Variants in RORA observed in about 807,000 individuals in gnomAD.
RORA encodes RAR related orphan receptor A, also known as nuclear receptor ROR-alpha.
In RORA, 7 loss-of-function variants were observed where a neutral mutation model predicts 69.5. The observed-to-expected ratio is 0.10, with a 90% CI of 0.06 to 0.19. The LOEUF is 0.19. RORA is among the 10% of genes least tolerant of loss of function. The pLI is 1.00. For missense variants in RORA, 457 were observed against 663.0 expected (o/e 0.69, Z 3.41); for synonymous variants, 261 against 240.8 (o/e 1.08, Z -0.78).
At position 61,099,870 on chromosome 15, in the gene RORA, A is replaced by G. The variant is rs138348455; in HGVS notation, c.166+129183T>C. Among the ~76,000 whole-genome samples the G allele has an allele frequency of 4.0e-3, 604 of 152,322 alleles. 4 individuals are homozygous for G. The highest frequency in any genetic ancestry group is 0.014 in the African/African-American group (565 of 41,558). On this transcript the variant is annotated intron_variant, in intron 1 of 10. Coordinates refer to ENST00000335670, the MANE Select transcript of RORA (RefSeq NM_134261.3). Reference sequence around the variant, plus strand: ...TAGGTGAATGAAATTCGTTTGTAGGACACTCCTGGAGTAACTATCTAAAGG... The same window carrying G: ...TAGGTGAATGAAATTCGTTTGTAGGGCACTCCTGGAGTAACTATCTAAAGG...
intron 1 of RORA, among the ~76,000 whole-genome samples, chr15:60,760,429 A>T (rs2071869250): frequency 6.6e-6 from 1 of 152,184 alleles, no homozygotes; most frequent in South Asian, 2.1e-4. Flanking sequence ...GATCACCCCA[A>T]TATTATGTGT....
At chr15:60,497,662 A>G (rs759818945) in intron 10 of RORA, 43 bp from the exon 11 acceptor site, 2 of 1,513,234 alleles carry the variant, frequency 1.3e-6, no homozygotes, top group Admixed American at 1.7e-5. Flanking sequence ...AAGAACAGGC[A>G]TAAGCATCAA....
intron 5 of RORA, among the ~76,000 whole-genome samples, chr15:60,508,303 C>A (rs761659913): frequency 1.6e-4 from 24 of 152,198 alleles, no homozygotes; most frequent in Non-Finnish European, 2.9e-4. Context: ...TTCAGCAATA[C>A]AGCCAGCGCC....
chr15:61,013,704 T>C (rs1395767229), intron 1 of RORA, among the ~76,000 whole-genome samples: 1 of 151,788 alleles, frequency 6.6e-6, no homozygotes, highest in East Asian at 1.9e-4. Context: ...TTTTAATTAA[T>C]GTATAGTATA....
chr15:60,829,317 G>C (rs1185318668), intron 1 of RORA, among the ~76,000 whole-genome samples: 1 of 152,120 alleles, frequency 6.6e-6, no homozygotes, highest in Non-Finnish European at 1.5e-5. Context: ...ACATCTCACC[G>C]GGATGGACGA....
chr15:60,647,276 G>T (rs2070062626), intron 2 of RORA, among the ~76,000 whole-genome samples: 1 of 152,130 alleles, frequency 6.6e-6, no homozygotes. Context: ...GCCGCACTCA[G>T]ATAGAAGACA....
intron 1 of RORA, among the ~76,000 whole-genome samples, chr15:60,877,289 T>G (rs1006568356): frequency 1.3e-5 from 2 of 152,200 alleles, no homozygotes; most frequent in Admixed American, 6.5e-5. Flanking sequence ...AATGAGAGCC[T>G]GGGTTTCTTT....
At chr15:60,966,149 A>G (rs1893548949) in intron 1 of RORA, among the ~76,000 whole-genome samples, 1 of 152,030 alleles carries the variant, frequency 6.6e-6, no homozygotes, top group African/African-American at 2.4e-5. Flanking sequence ...CTTTCTTCAT[A>G]TCACCTTCTC....
intron 1 of RORA, among the ~76,000 whole-genome samples, chr15:60,965,395 G>C (rs960848100): frequency 6.6e-6 from 1 of 152,100 alleles, no homozygotes; most frequent in African/African-American, 2.4e-5. Context: ...TTGTCCCAAG[G>C]CCCAGTAGTC....
chr15:60,716,926 A>C (rs1448282672), intron 1 of RORA, among the ~76,000 whole-genome samples: 3 of 152,090 alleles, frequency 2.0e-5, no homozygotes, highest in Non-Finnish European at 4.4e-5. Context: ...CTCTATAATA[A>C]ACTGGTAAAC....
intron 2 of RORA, among the ~76,000 whole-genome samples, chr15:60,544,101 A>G (rs145101501): frequency 6.6e-6 from 1 of 152,282 alleles, no homozygotes; most frequent in Non-Finnish European, 1.5e-5. Flanking sequence ...GCAGTGAGCA[A>G]AATTCACCAA....
intron 1 of RORA, among the ~76,000 whole-genome samples, chr15:61,172,706 C>A (rs1031437612): frequency 7.9e-5 from 12 of 152,196 alleles, no homozygotes; most frequent in Admixed American, 3.9e-4. Flanking sequence ...TAAATACATA[C>A]TCTCCTTTGA....
chr15:60,808,005 A>G (rs2072682870), intron 1 of RORA, among the ~76,000 whole-genome samples: 1 of 152,234 alleles, frequency 6.6e-6, no homozygotes, highest in Non-Finnish European at 1.5e-5. Flanking sequence ...CCTTCTAGAC[A>G]TTGGCTTAGG....
chr15:60,510,263 C>A (rs1375850066), intron 5 of RORA: 1 of 152,132 alleles, frequency 6.6e-6, no homozygotes, highest in African/African-American at 2.4e-5. Flanking sequence ...AGGAGCAGAT[C>A]AAATTTAAAA....
chr15:61,219,244 C>A (rs1038192320), intron 1 of RORA, among the ~76,000 whole-genome samples: 1 of 152,212 alleles, frequency 6.6e-6, no homozygotes, highest in Admixed American at 6.5e-5. Flanking sequence ...TGTACATAAT[C>A]TACTGCCTAA....
At chr15:61,209,377 G>A (rs1252733822) in intron 1 of RORA, among the ~76,000 whole-genome samples, 2 of 152,088 alleles carry the variant, frequency 1.3e-5, no homozygotes, top group African/African-American at 4.8e-5. Context: ...TAGGAAGAGA[G>A]GTGACCATGC....
intron 1 of RORA, among the ~76,000 whole-genome samples, chr15:61,102,650 T>C (rs2078896010): frequency 6.6e-6 from 1 of 152,256 alleles, no homozygotes; most frequent in South Asian, 2.1e-4. Flanking sequence ...ACTTCCTGGT[T>C]CTGCTCATGG....
chr15:61,113,707 A>C (rs1304991553), intron 1 of RORA, among the ~76,000 whole-genome samples: 2 of 152,166 alleles, frequency 1.3e-5, no homozygotes, highest in Non-Finnish European at 2.9e-5. Flanking sequence ...ACGTGTGCAC[A>C]CATGCGGATA....
chr15:60,844,579 TG>T, intron 1 of RORA, among the ~76,000 whole-genome samples: 1 of 152,258 alleles, frequency 6.6e-6, no homozygotes, highest in South Asian at 2.1e-4. Context: ...TAGAAGGAGC[TG>T]GTTGCTCTAT....
Sources: gnomAD v4.1 joint callset for allele counts (sites outside exome capture counted in the v4.1 genomes callset) on GRCh38, gnomAD v4.1.1 for gene constraint, MANE v1.5 for transcripts, NCBI Gene and HGNC (gene_info 2026-07-23, HGNC 2026-07-21) for gene names.